The following ABHD12 variants were observed in gnomAD, a reference collection of about 807,000 sequenced individuals.
The protein encoded by ABHD12 is abhydrolase domain containing 12, lysophospholipase, also known as lysophosphatidylserine lipase ABHD12.
A neutral mutation model predicts 58.3 loss-of-function variants in ABHD12; 43 were observed. The observed-to-expected ratio is 0.74, with a 90% confidence interval of 0.58 to 0.95. ABHD12 has a LOEUF of 0.95. ABHD12 is among the 40% of genes least tolerant of loss of function. The pLI, the probability that ABHD12 is intolerant of heterozygous loss-of-function variation, is 0.00. For synonymous variants in ABHD12, 219 were observed against 211.2 expected (o/e 1.04, Z -0.32); for missense variants, 539 against 537.2 (o/e 1.00, Z -0.03).
intron 12 of ABHD12, among the ~76,000 whole-genome samples, chr20:25,302,016 C>A (rs2088644301): frequency 6.6e-6 from 1 of 152,222 alleles, no homozygotes; most frequent in African/African-American, 2.4e-5. Context: ...GCTCACCCTG[C>A]ATGATCATGT....
intron 1 of ABHD12, among the ~76,000 whole-genome samples, chr20:25,344,713 A>G (rs1025565314): frequency 2.0e-5 from 3 of 152,256 alleles, no homozygotes; most frequent in Non-Finnish European, 2.9e-5. Context: ...ACAGCATTAA[A>G]GGAGAAGAAC....
chr20:25,360,516 G>A (rs2089732568), intron 1 of ABHD12, among the ~76,000 whole-genome samples: 1 of 152,030 alleles, frequency 6.6e-6, no homozygotes, highest in Non-Finnish European at 1.5e-5. Context: ...TGGGATTACA[G>A]GTGTGAGCCA....
In ABHD12 at chr20:25,306,979, G is replaced by A. The variant is rs911380766; in HGVS notation, c.868-64C>T. The A allele has an allele frequency of 2.0e-5, 24 of 1,213,644 alleles. No individual in the cohort carries two copies. In the African/African-American group the frequency reaches 3.4e-4, roughly 17 times the overall value. 75.2% of individuals were successfully genotyped at this position (1,213,644 alleles called of 1,614,324 possible). ...TAAGATATCCAGGCACAGGTCAAGG[G>A]TGCAGACAGTTTAAGTTCAGAAATC... On this transcript the variant is annotated intron_variant, in intron 9 of 12. Coordinates refer to ENST00000339157, the MANE Select transcript of ABHD12 (RefSeq NM_001042472.3).
chr20:25,317,263 G>A (rs1459736088), intron 4 of ABHD12, among the ~76,000 whole-genome samples, 185 bp from the exon 5 acceptor site: 1 of 152,146 alleles, frequency 6.6e-6, no homozygotes, highest in African/African-American at 2.4e-5. Flanking sequence ...GATGGTCTTA[G>A]CACTTTGGGG....
At chr20:25,316,990 A>T in intron 5 of ABHD12, 58 bp downstream of exon 5, 1 of 1,526,528 alleles carries the variant, frequency 6.6e-7, no homozygotes, top group Non-Finnish European at 9.1e-7. Context: ...GACTCCCTTC[A>T]CTTCCTGCCC....
At position 25,317,082 on chromosome 20, in the gene ABHD12, G is replaced by A; in HGVS notation, c.543-4C>T. On this transcript the variant is annotated splice_polypyrimidine_tract_variant and splice_region_variant and intron_variant, in intron 4 of 12. Transcript: ENST00000339157. Reference sequence around the variant, plus strand: ...CTCCACGCGGTGGTCGCCTCCTCTGGAGAAGAAAACAGGACATGGTGTGAG... The same window carrying A: ...CTCCACGCGGTGGTCGCCTCCTCTGAAGAAGAAAACAGGACATGGTGTGAG... 1 of 1,611,258 alleles carries A rather than the reference G, an allele frequency of 6.2e-7. No homozygotes were observed. The highest frequency in any genetic ancestry group is 1.1e-5 in the South Asian group (1 of 90,830).
chr20:25,363,156 C>T (rs1164471751), intron 1 of ABHD12, among the ~76,000 whole-genome samples: 1 of 151,486 alleles, frequency 6.6e-6, no homozygotes, highest in Admixed American at 6.6e-5. Context: ...AATTTCCATT[C>T]ATTTAACAAA....
chr20:25,384,482 T>A (rs981051067), intron 1 of ABHD12, among the ~76,000 whole-genome samples: 16 of 150,836 alleles, frequency 1.1e-4, no homozygotes, highest in Middle Eastern at 3.5e-3. Flanking sequence ...CACTGGCTCA[T>A]GCCTGTAATC....
At chr20:25,348,229 G>A (rs1056349898) in intron 1 of ABHD12, among the ~76,000 whole-genome samples, 1 of 151,304 alleles carries the variant, frequency 6.6e-6, no homozygotes, top group East Asian at 1.9e-4. Flanking sequence ...AAGGAAAAAA[G>A]TTCACAGATA....
At chr20:25,364,144 T>C (rs1443050308) in intron 1 of ABHD12, among the ~76,000 whole-genome samples, 1 of 152,180 alleles carries the variant, frequency 6.6e-6, no homozygotes, top group Non-Finnish European at 1.5e-5. Context: ...AAGGCCATAC[T>C]AAGACTCTCC....
At chr20:25,369,894 G>C (rs1447750195) in intron 1 of ABHD12, among the ~76,000 whole-genome samples, 2 of 126,564 alleles carry the variant, frequency 1.6e-5, no homozygotes, top group East Asian at 4.4e-4. Context: ...AGTGTGGGCA[G>C]CACAGCAAGA....
At chr20:25,349,641 G>A (rs1024320438) in intron 1 of ABHD12, among the ~76,000 whole-genome samples, 1 of 152,174 alleles carries the variant, frequency 6.6e-6, no homozygotes. Flanking sequence ...AAATAAGCCA[G>A]ACACAAAGGA....
chr20:25,380,525 T>C (rs1305572735), intron 1 of ABHD12, among the ~76,000 whole-genome samples: 1 of 152,100 alleles, frequency 6.6e-6, no homozygotes, highest in African/African-American at 2.4e-5. Context: ...CTGGAAAAGC[T>C]ACCTGCATTT....
At chr20:25,366,502 T>C (rs1015509653) in intron 1 of ABHD12, among the ~76,000 whole-genome samples, 2 of 152,070 alleles carry the variant, frequency 1.3e-5, no homozygotes, top group African/African-American at 2.4e-5. Flanking sequence ...CCGACCTCAG[T>C]TGATCCGCCT....
intron 2 of ABHD12, among the ~76,000 whole-genome samples, chr20:25,331,028 G>A (rs2089264969): frequency 6.6e-6 from 1 of 152,186 alleles, no homozygotes; most frequent in Non-Finnish European, 1.5e-5. Flanking sequence ...GCTACGGGAG[G>A]ACATTCAAAC....
intron 2 of ABHD12, among the ~76,000 whole-genome samples, chr20:25,338,611 A>C (rs2089411030): frequency 6.6e-6 from 1 of 152,190 alleles, no homozygotes. Context: ...AAAAACACAC[A>C]AGGTCCAAGT....
chr20:25,368,773 T>C (rs1409297949), intron 1 of ABHD12: 11 of 855,974 alleles, frequency 1.3e-5, no homozygotes, highest in South Asian at 7.9e-5. Context: ...CCATGGCTGA[T>C]AGTACAGGGC....
chr20:25,294,789 T>C, exon 13 of ABHD12: 1 of 702,912 alleles, frequency 1.4e-6, no homozygotes, highest in Non-Finnish European at 2.6e-6. Context: ...AGTTAGCACA[T>C]GGTATGGTTT....
chr20:25,302,454 C>G (rs1273010647), intron 11 of ABHD12, 108 bp from the exon 12 acceptor site: 1 of 1,420,986 alleles, frequency 7.0e-7, no homozygotes, highest in East Asian at 2.3e-5. Flanking sequence ...GTCCAGAGTC[C>G]CACATACACT....
Sources: gnomAD v4.1 joint callset for allele counts (sites outside exome capture counted in the v4.1 genomes callset) on GRCh38, gnomAD v4.1.1 for gene constraint, MANE v1.5 for transcripts, NCBI Gene and HGNC (gene_info 2026-07-23, HGNC 2026-07-21) for gene names.